The following ADCY2 variants were observed in gnomAD, a reference collection of about 807,000 sequenced individuals.
ADCY2 encodes the protein adenylate cyclase 2, also known as adenylate cyclase type 2.
A neutral mutation model predicts 125.2 loss-of-function variants in ADCY2; 31 were observed. The observed-to-expected ratio is 0.25, with a 90% CI of 0.19 to 0.33. The LOEUF is 0.33. ADCY2 is among the 10% of genes least tolerant of loss of function. ADCY2 has a pLI of 1.00. For missense variants in ADCY2, 904 were observed against 1,418.2 expected (o/e 0.64, Z 5.82); for synonymous variants, 512 against 548.4 (o/e 0.93, Z 0.93).
intron 1 of ADCY2, among the ~76,000 whole-genome samples, chr5:7,404,686 C>T (rs1218284112): frequency 2.0e-5 from 3 of 152,188 alleles, no homozygotes; most frequent in East Asian, 1.9e-4. Context: ...TCTTTGGTTG[C>T]CTTAAAAACC....
chr5:7,565,957 T>A (rs1002082842), intron 3 of ADCY2, among the ~76,000 whole-genome samples: 1 of 152,220 alleles, frequency 6.6e-6, no homozygotes, highest in Non-Finnish European at 1.5e-5. Flanking sequence ...TTGAGAAAGC[T>A]CACTTAGCTT....
chr5:7,675,947 A>G (rs748982639), intron 4 of ADCY2, among the ~76,000 whole-genome samples: 7 of 152,256 alleles, frequency 4.6e-5, no homozygotes, highest in Non-Finnish European at 1.0e-4. Flanking sequence ...GATAAAGAAC[A>G]TTTAGCTACA....
intron 15 of ADCY2, among the ~76,000 whole-genome samples, chr5:7,753,700 T>C (rs1335281563): frequency 6.6e-6 from 1 of 152,182 alleles, no homozygotes; most frequent in Non-Finnish European, 1.5e-5. Context: ...TTAATCAGGT[T>C]CCTTCCATTT....
intron 4 of ADCY2, among the ~76,000 whole-genome samples, chr5:7,668,776 C>G (rs1248796278): frequency 2.0e-5 from 3 of 152,182 alleles, no homozygotes; most frequent in Non-Finnish European, 4.4e-5. Flanking sequence ...CTGAGATCAG[C>G]TTGGCATCAG....
chr5:7,687,642 G>T (rs1228713797), intron 4 of ADCY2, among the ~76,000 whole-genome samples: 1 of 152,168 alleles, frequency 6.6e-6, no homozygotes, highest in East Asian at 1.9e-4. Flanking sequence ...TGTTGCAAAA[G>T]CTGGAGTATT....
At chr5:7,612,769 C>T (rs1243271703) in intron 3 of ADCY2, among the ~76,000 whole-genome samples, 1 of 152,196 alleles carries the variant, frequency 6.6e-6, no homozygotes, top group Non-Finnish European at 1.5e-5. Flanking sequence ...GTAATCCCAG[C>T]ACTTTGGGAG....
At chr5:7,514,990 C>T (rs2126524722) in intron 2 of ADCY2, among the ~76,000 whole-genome samples, 1 of 152,320 alleles carries the variant, frequency 6.6e-6, no homozygotes, top group Non-Finnish European at 1.5e-5. Context: ...CCTCAAGAAG[C>T]TAATGCACTT....
At chr5:7,537,983 C>T (rs1000613319) in intron 3 of ADCY2, among the ~76,000 whole-genome samples, 30 of 152,130 alleles carry the variant, frequency 2.0e-4, no homozygotes, top group African/African-American at 5.6e-4. Flanking sequence ...TGATAGCCCA[C>T]GAGCCTATCC....
At chr5:7,619,023 G>A (rs906949852) in intron 3 of ADCY2, among the ~76,000 whole-genome samples, 5 of 152,160 alleles carry the variant, frequency 3.3e-5, no homozygotes, top group African/African-American at 9.7e-5. Flanking sequence ...GAAGATCCAG[G>A]ACTATTCAGT....
At chr5:7,732,354 C>T (rs1015803061) in intron 14 of ADCY2, among the ~76,000 whole-genome samples, 3 of 152,160 alleles carry the variant, frequency 2.0e-5, no homozygotes, top group African/African-American at 7.2e-5. Flanking sequence ...CCTTCAGGGC[C>T]CCTGACTTTA....
intron 4 of ADCY2, among the ~76,000 whole-genome samples, chr5:7,643,924 C>T (rs543451262): frequency 1.3e-5 from 2 of 151,736 alleles, no homozygotes; most frequent in African/African-American, 4.8e-5. Context: ...CTTTTTCTGA[C>T]ATGTCTTCTG....
intron 2 of ADCY2, among the ~76,000 whole-genome samples, chr5:7,429,664 A>C (rs1286685054): frequency 6.6e-6 from 1 of 152,262 alleles, no homozygotes; most frequent in Non-Finnish European, 1.5e-5. Context: ...TAAATAACCC[A>C]TGAGTCCAAG....
chr5:7,814,337 C>T (rs1488162488), intron 22 of ADCY2, among the ~76,000 whole-genome samples: 2 of 152,012 alleles, frequency 1.3e-5, no homozygotes. Context: ...AATTTTACTC[C>T]TCCCCCCGCC....
chr5:7,430,554 T>TATACTATATATATATAGTAGATC (rs1561021445), intron 2 of ADCY2, among the ~76,000 whole-genome samples: 1 of 148,034 alleles, frequency 6.8e-6, no homozygotes, highest in African/African-American at 2.5e-5. Context: ...TATAGTATAT[T>TATACTATATATATATAGTAGATC]GATATACTAT....
intron 3 of ADCY2, among the ~76,000 whole-genome samples, chr5:7,562,413 G>C (rs974135387): frequency 6.6e-6 from 1 of 152,054 alleles, no homozygotes; most frequent in South Asian, 2.1e-4. Flanking sequence ...TAATGGAAGG[G>C]ACTCTCTTGC....
chr5:7,823,581 A>C (rs1036480115), intron 24 of ADCY2, among the ~76,000 whole-genome samples: 6 of 152,190 alleles, frequency 3.9e-5, no homozygotes, highest in African/African-American at 1.4e-4. Context: ...GGACAACCCC[A>C]GGTCTTATCT....
At chr5:7,707,008 C>T in intron 8 of ADCY2, 106 bp downstream of exon 8, 1 of 1,416,364 alleles carries the variant, frequency 7.1e-7, no homozygotes. Flanking sequence ...CTTCTGTTGC[C>T]TCTGTTGGTA....
intron 10 of ADCY2, among the ~76,000 whole-genome samples, chr5:7,711,776 G>A (rs1741447517): frequency 2.0e-5 from 3 of 152,274 alleles, no homozygotes; most frequent in Admixed American, 1.3e-4. Flanking sequence ...TTTCTTAACC[G>A]TCTGGTCCCA....
At chr5:7,704,602 G>A (rs1741200587) in intron 7 of ADCY2, among the ~76,000 whole-genome samples, 1 of 152,098 alleles carries the variant, frequency 6.6e-6, no homozygotes, top group African/African-American at 2.4e-5. Flanking sequence ...CTAGTTGGCC[G>A]GGCGCGGTGG....
Sources: allele counts gnomAD v4.1 joint callset (sites outside exome capture counted in the v4.1 genomes callset), GRCh38; gene constraint gnomAD v4.1.1; transcripts MANE v1.5; gene names NCBI Gene and HGNC (gene_info 2026-07-23, HGNC 2026-07-21).